The following PCDHGA10 variants were observed in gnomAD, a reference collection of about 807,000 sequenced individuals.
PCDHGA10 encodes protocadherin gamma-A10.
In PCDHGA10, 42 loss-of-function variants were observed where a neutral mutation model predicts 59.5. The ratio of observed to expected loss-of-function variants is 0.71; its 90% confidence interval spans 0.55 to 0.91. PCDHGA10 has a LOEUF of 0.91. Among genes scored for constraint, PCDHGA10 ranks in the 40% least tolerant of loss-of-function variants. The pLI is 0.00. For missense variants in PCDHGA10, 1,111 were observed against 1,198.2 expected (o/e 0.93, Z 1.07); for synonymous variants, 511 against 517.2 (o/e 0.99, Z 0.16).
In PCDHGA10 at chr5:141,485,417, G is replaced by A. The variant is rs1340790133; in HGVS notation, c.2437-9390G>A. The A allele has an allele frequency of 1.2e-6, 2 of 1,614,166 alleles. No homozygotes were observed. Among genetic ancestry groups the A allele is most frequent in the Non-Finnish European group, 8.5e-7 (1 of 1,180,038 alleles). ...ACACTTCCGTGTGGATTTGGACAGCGGAGCCCTGCTCATCAAGAACCCAAT... is the reference window on the plus strand; with the variant it reads ...ACACTTCCGTGTGGATTTGGACAGCAGAGCCCTGCTCATCAAGAACCCAAT... On this transcript the variant is annotated intron_variant, in intron 1 of 3. Coordinates refer to ENST00000398610, the MANE Select transcript of PCDHGA10 (RefSeq NM_018913.3). The surrounding 1 kb of genome is among the most constrained non-coding windows in gnomAD (Gnocchi z 5.7).
At chr5:141,473,548 C>A (rs1158305951) in intron 1 of PCDHGA10, among the ~76,000 whole-genome samples, 3 of 152,118 alleles carry the variant, frequency 2.0e-5, no homozygotes, top group South Asian at 2.1e-4. Context: ...TAATGGAAGA[C>A]CTCTATTAGG....
intron 1 of PCDHGA10, chr5:141,424,442 T>C (rs2096821583): frequency 6.6e-6 from 1 of 152,244 alleles, no homozygotes; most frequent in South Asian, 2.1e-4. Context: ...AATTGAATTA[T>C]TGAACTGGTA....
At chr5:141,471,590 T>C (rs2099260583) in intron 1 of PCDHGA10, 1 of 152,120 alleles carries the variant, frequency 6.6e-6, no homozygotes. Flanking sequence ...AAGTAATTGA[T>C]AGTTTCAAAA....
At chr5:141,442,694 C>A (rs549307212) in intron 1 of PCDHGA10, among the ~76,000 whole-genome samples, 22 of 152,304 alleles carry the variant, frequency 1.4e-4, no homozygotes, top group Non-Finnish European at 3.1e-4. Flanking sequence ...GTCAGGCAGA[C>A]AAGAGTATCA....
chr5:141,489,334 C>T lies in PCDHGA10; in HGVS notation c.2437-5473C>T, dbSNP rs768635851. On this transcript the variant is annotated intron_variant, in intron 1 of 3. Transcript: ENST00000398610. This position sits in a 1 kb window ranked among gnomAD's most constrained non-coding sequence, Gnocchi z 4.5. ...CTGGGGCTGGGTGTCTGGGCAGCTTCGTTACTCAGTGGTGGAGGAGTCTGA... is the reference window on the plus strand; with the variant it reads ...CTGGGGCTGGGTGTCTGGGCAGCTTTGTTACTCAGTGGTGGAGGAGTCTGA... The T allele has an allele frequency of 3.7e-6, 6 of 1,606,732 alleles. No individual in the cohort carries two copies. The highest frequency in any genetic ancestry group is 1.1e-5 in the South Asian group (1 of 90,048).
In PCDHGA10 at chr5:141,489,483, T is replaced by C. The variant is rs2099687756; in HGVS notation, c.2437-5324T>C. ...GCTATTTTTCCCTGAGCTTGATGAGTGGTGCCCTGGCAGTGAATCAAAAGA... is the reference window on the plus strand; with the variant it reads ...GCTATTTTTCCCTGAGCTTGATGAGCGGTGCCCTGGCAGTGAATCAAAAGA... On this transcript the variant is annotated intron_variant, in intron 1 of 3. Coordinates refer to ENST00000398610, the MANE Select transcript of PCDHGA10 (RefSeq NM_018913.3). This position sits in a 1 kb window ranked among gnomAD's most constrained non-coding sequence, Gnocchi z 4.5. 1 of 1,613,862 alleles carries C rather than the reference T, an allele frequency of 6.2e-7. No individual in the cohort carries two copies. The highest frequency in any genetic ancestry group is 1.1e-5 in the South Asian group (1 of 91,078).
Position 141,427,512 on chromosome 5 carries a change from T to A in PCDHGA10, c.2436+11901T>A, listed in dbSNP as rs1483922394. ...GCTTGTAACAGATGGGACCCTGGATTGGGAGCGGATCCCGGAGTACAACGT... is the reference window on the plus strand; with the variant it reads ...GCTTGTAACAGATGGGACCCTGGATAGGGAGCGGATCCCGGAGTACAACGT... On this transcript the variant is annotated intron_variant, in intron 1 of 3. Transcript: ENST00000398610. 1.2e-5 allele frequency: 7 copies of A among 592,748 alleles called. No homozygotes were observed. The Admixed American group carries it at 1.3e-4, about 11-fold the overall frequency. 36.7% of individuals were successfully genotyped at this position (592,748 alleles called of 1,614,324 possible). A position where few individuals can be genotyped will look rare whatever the true frequency, so the allele number is the denominator to read the frequency against.
intron 1 of PCDHGA10, among the ~76,000 whole-genome samples, chr5:141,482,723 A>G (rs1441054551): frequency 2.3e-5 from 3 of 128,892 alleles, no homozygotes; most frequent in Non-Finnish European, 4.9e-5. Context: ...GGGAGGGGCC[A>G]TTGCAAGAAA....
chr5:141,470,369 T>C (rs751264270), intron 1 of PCDHGA10, among the ~76,000 whole-genome samples: 2 of 152,226 alleles, frequency 1.3e-5, no homozygotes, highest in Non-Finnish European at 1.5e-5. Context: ...TTAGGTTGAA[T>C]GGAAAGACTA....
Position 141,476,477 on chromosome 5 carries a change from G to C in PCDHGA10, c.2437-18330G>C. ...GGAGAACCCGCTGGAGCTGTTCAGCGTGGAAGTGGTGATCCAGGACATCAA... is the reference window on the plus strand; with the variant it reads ...GGAGAACCCGCTGGAGCTGTTCAGCCTGGAAGTGGTGATCCAGGACATCAA... On this transcript the variant is annotated intron_variant, in intron 1 of 3. Coordinates refer to ENST00000398610, the MANE Select transcript of PCDHGA10 (RefSeq NM_018913.3). The surrounding 1 kb of genome is among the most constrained non-coding windows in gnomAD (Gnocchi z 7.6). The C allele has an allele frequency of 5.0e-6, 8 of 1,614,078 alleles. No homozygotes were observed. Among genetic ancestry groups the C allele is most frequent in the Non-Finnish European group, 6.8e-6 (8 of 1,180,018 alleles).
chr5:141,428,459 A>C, intron 1 of PCDHGA10: 2 of 350,154 alleles, frequency 5.7e-6, no homozygotes, highest in Non-Finnish European at 5.5e-6. Context: ...CCCAACTACA[A>C]TGAGGGAACT....
At position 141,415,183 on chromosome 5, in the gene PCDHGA10, G is replaced by A. The variant is rs201831693; in HGVS notation, c.2008G>A (p.Asp670Asn). 913 of 1,613,968 alleles carry A rather than the reference G, an allele frequency of 5.7e-4. No individual in the cohort carries two copies. The highest frequency in any genetic ancestry group is 5.1e-4 in the Non-Finnish European group (598 of 1,180,026). Residue 670 changes from aspartate to asparagine, a missense_variant, in exon 1 of 4, where the codon GAC becomes AAC. Transcript: ENST00000398610. ...TGTCACGCTCACCGTGGCCGTGGCC[G>A]ACAGCATCCCCCAAGTCCTGGCGGA... ...ATVTLTVAVADSIPQVLADLG... is the reference protein window; with the variant it reads ...ATVTLTVAVANSIPQVLADLG...
intron 1 of PCDHGA10, among the ~76,000 whole-genome samples, chr5:141,434,848 C>T (rs1224972794): frequency 6.6e-6 from 1 of 151,786 alleles, no homozygotes; most frequent in Non-Finnish European, 1.5e-5. Context: ...AAGCAGACAT[C>T]AATAAATTTA....
chr5:141,419,591 G>A lies in PCDHGA10; in HGVS notation c.2436+3980G>A, dbSNP rs574335266. The A allele has an allele frequency of 2.2e-5, 35 of 1,611,826 alleles. No individual in the cohort carries two copies. The African/African-American group carries it at 4.0e-4, about 18-fold the overall frequency. On this transcript the variant is annotated intron_variant, in intron 1 of 3. Coordinates refer to ENST00000398610, the MANE Select transcript of PCDHGA10 (RefSeq NM_018913.3). ...CGACGGCTCCGCGCTCTTCGACACA[G>A]TGCCGCGGGCCGCGCAGCCAGGCTA...
At chr5:141,460,924 A>ATATG (rs1561985817) in intron 1 of PCDHGA10, among the ~76,000 whole-genome samples, 10 of 150,588 alleles carry the variant, frequency 6.6e-5, no homozygotes, top group East Asian at 3.9e-4. Flanking sequence ...ATATATATAT[A>ATATG]TGTGTGTGTG....
chr5:141,431,560 C>T lies in PCDHGA10; in HGVS notation c.2436+15949C>T, dbSNP rs751276470. On this transcript the variant is annotated intron_variant, in intron 1 of 3. Coordinates refer to ENST00000398610, the MANE Select transcript of PCDHGA10 (RefSeq NM_018913.3). This position sits in a 1 kb window ranked among gnomAD's most constrained non-coding sequence, Gnocchi z 4.8. ...CGCAGCTGCTTGTAGTCAACGCTAC[C>T]GACCCTGACGAAGGAGTCAATGCGG... The T allele has an allele frequency of 6.2e-7, 1 of 1,614,104 alleles. No individual in the cohort carries two copies. The highest frequency in any genetic ancestry group is 1.7e-5 in the Admixed American group (1 of 60,036).
intron 1 of PCDHGA10, among the ~76,000 whole-genome samples, chr5:141,435,696 A>G (rs932132128): frequency 1.3e-5 from 2 of 152,204 alleles, no homozygotes; most frequent in East Asian, 1.9e-4. Context: ...TGCTTATTGT[A>G]GAGTGGTTAC....
At chr5:141,423,920 G>A (rs2096790804) in intron 1 of PCDHGA10, 2 of 1,258,728 alleles carry the variant, frequency 1.6e-6, no homozygotes, top group African/African-American at 1.6e-5. Flanking sequence ...ATTCAACTAT[G>A]CTGGTTTGGT....
At chr5:141,508,570 C>T (rs1164806696) in intron 3 of PCDHGA10, among the ~76,000 whole-genome samples, 21 of 152,198 alleles carry the variant, frequency 1.4e-4, no homozygotes. Context: ...GTCACTTGCA[C>T]CCACTCGGGG....
Sources: gnomAD v4.1 joint callset for allele counts (sites outside exome capture counted in the v4.1 genomes callset) on GRCh38, gnomAD v4.1.1 for gene constraint, Gnocchi (gnomAD v3.1) non-coding constraint, MANE v1.5 for transcripts, NCBI Gene and HGNC (gene_info 2026-07-23, HGNC 2026-07-21) for gene names.